Variants in CCDC110 observed in about 807,000 individuals in gnomAD.
The protein encoded by CCDC110 is coiled-coil domain containing 110.
A neutral mutation model predicts 77.1 loss-of-function variants in CCDC110; 70 were observed. That is an observed-to-expected ratio of 0.91 (90% confidence interval 0.75 to 1.11). The LOEUF is 1.11. Ranked by LOEUF, CCDC110 falls within the 50% of genes least tolerant of loss-of-function variation. The probability of loss-of-function intolerance (pLI) is 0.00; values close to 1 mark genes in which losing one functional copy is unlikely to be tolerated. For synonymous variants in CCDC110, 295 were observed against 312.5 expected (o/e 0.94, Z 0.59); for missense variants, 868 against 942.9 (o/e 0.92, Z 1.04).
In CCDC110 at chr4:185,445,544, T is replaced by C. The variant is rs2095608186; in HGVS notation, c.2462-2A>G. ...TTCTGTCTTTAACTTTGAAATAACC[T>C]ATGAAAATAGAAAATATTCTGGTTA... On this transcript the variant is annotated splice_acceptor_variant, in intron 6 of 6. Transcript: ENST00000307588. LOFTEE classifies it high-confidence loss of function. 3 of 1,531,412 alleles carry C rather than the reference T, an allele frequency of 2.0e-6. No individual in the cohort carries two copies. The highest frequency in any genetic ancestry group is 2.7e-6 in the Non-Finnish European group (3 of 1,113,534). The allele number at this position is 1,531,412 out of a possible 1,614,324, so 94.9% of individuals were successfully genotyped here.
At chr4:185,455,529 A>G (rs1170782469) in intron 6 of CCDC110, among the ~76,000 whole-genome samples, 1 of 152,216 alleles carries the variant, frequency 6.6e-6, no homozygotes, top group Admixed American at 6.5e-5. Flanking sequence ...AGGTTATTTC[A>G]TAATAATAAA....
chr4:185,453,070 T>C lies in CCDC110; in HGVS notation c.2461+5056A>G, dbSNP rs780955603. On this transcript the variant is annotated intron_variant, in intron 6 of 6. Coordinates refer to ENST00000307588, the MANE Select transcript of CCDC110 (RefSeq NM_152775.4). ...TAAGCTGTAAAATAAATAAAAAATA[T>C]ATATCGGTCTATTAAGGCTGGGTAC... Among the ~76,000 whole-genome samples, 104 of 152,074 alleles carry C rather than the reference T, an allele frequency of 6.8e-4. 2 individuals carry two copies. The highest frequency in any genetic ancestry group is 7.6e-4 in the Non-Finnish European group (52 of 68,010).
At chr4:185,470,730 A>T in intron 2 of CCDC110, 1 of 638,178 alleles carries the variant, frequency 1.6e-6, no homozygotes, top group Non-Finnish European at 2.9e-6. Flanking sequence ...CAAAATGGGG[A>T]TCGTGGTAGC....
intron 6 of CCDC110, among the ~76,000 whole-genome samples, chr4:185,445,791 CATT>C (rs2095609002): frequency 6.6e-6 from 1 of 152,104 alleles, no homozygotes; most frequent in Non-Finnish European, 1.5e-5. Flanking sequence ...ATAATACTAA[CATT>C]AGTATTATTT....
chr4:185,449,164 T>C (rs1467821440), intron 6 of CCDC110, among the ~76,000 whole-genome samples: 3 of 152,208 alleles, frequency 2.0e-5, no homozygotes, highest in African/African-American at 7.2e-5. Context: ...ATTTTGATTT[T>C]GGATTGTTAA....
Position 185,466,097 on chromosome 4 carries a change from C to T in CCDC110, c.116-3048G>A, listed in dbSNP as rs182970120. On this transcript the variant is annotated intron_variant, in intron 2 of 6. Coordinates refer to ENST00000307588, the MANE Select transcript of CCDC110 (RefSeq NM_152775.4). ...AACACATCATTCAACATGGATGGGC[C>T]GGGTGCAGTGGCTCGCACCTGTAAT... is the stretch of plus-strand genomic sequence containing the variant. 2.6e-4 allele frequency among the ~76,000 whole-genome samples: 40 copies of T among 152,230 alleles called. No homozygotes were observed. The East Asian group carries it at 2.7e-3, about 10-fold the overall frequency.
chr4:185,455,342 T>G (rs1432209669), intron 6 of CCDC110, among the ~76,000 whole-genome samples: 1 of 152,222 alleles, frequency 6.6e-6, no homozygotes, highest in African/African-American at 2.4e-5. Context: ...GTAATCCATT[T>G]TCATGGTATA....
At chr4:185,471,532 C>G (rs1054091584) in intron 1 of CCDC110, 142 bp downstream of exon 1, 20 of 934,820 alleles carry the variant, frequency 2.1e-5, no homozygotes, top group African/African-American at 8.6e-5. Context: ...GCCCTAGGGC[C>G]GAGCGGGAGA....
At chr4:185,467,450 A>G (rs1488313096) in intron 2 of CCDC110, among the ~76,000 whole-genome samples, 1 of 152,246 alleles carries the variant, frequency 6.6e-6, no homozygotes, top group African/African-American at 2.4e-5. Flanking sequence ...GAGATAAAAC[A>G]CAATCACACT....
At position 185,459,843 on chromosome 4, in the gene CCDC110, CATTT is replaced by C; in HGVS notation, c.740_743del (p.Gln247ArgfsTer44). ...CATGTGACTTTTGAAGCTCTTCTTT[CATTT>C]GTTTGATAGAATGGCAAATGTCATC... On this transcript the variant is annotated frameshift_variant, in exon 6 of 7. Coordinates refer to ENST00000307588, the MANE Select transcript of CCDC110 (RefSeq NM_152775.4). LOFTEE classifies it high-confidence loss of function. 1 of 1,613,234 alleles carries C rather than the reference CATTT, an allele frequency of 6.2e-7. No homozygotes were observed. The highest frequency in any genetic ancestry group is 8.5e-7 in the Non-Finnish European group (1 of 1,179,776).
chr4:185,458,849 A>G lies in CCDC110; in HGVS notation c.1738T>C (p.Leu580=), dbSNP rs1276354320. The stretch of plus-strand genomic sequence containing the variant: ...AACATTTCTTTTTCATCTTGTATCA[A>G]CAGAATATTGGTTTTCATTGCTTCC... ...EMEAMKTNIL[L]IQDEKEMLEK... is the part of the protein sequence containing the mutation. The change falls in exon 6 of 7, where the codon TTG becomes CTG. Residue 580 remains leucine (L), a synonymous_variant. Transcript: ENST00000307588. The G allele has an allele frequency of 1.2e-6, 2 of 1,605,976 alleles. No individual in the cohort carries two copies.
chr4:185,460,090 G>C lies in CCDC110; in HGVS notation c.497C>G (p.Ser166Cys). Reference protein sequence around the residue: ...QSVNVPSQIHSEDTLTLRTST... With the variant: ...QSVNVPSQIHCEDTLTLRTST... ...AGTTCTCAGAGTTAATGTGTCCTCG[G>C]AATGTATCTGGGATGGAACATTTAC... is the stretch of plus-strand genomic sequence containing the variant. The change falls in exon 6 of 7, where the codon TCC (serine) becomes TGC (cysteine). Residue 166 changes from serine (S) to cysteine (C), a missense_variant. Physicochemically the swap from Ser to Cys is moderately radical, Grantham distance 112. Coordinates refer to ENST00000307588, the MANE Select transcript of CCDC110 (RefSeq NM_152775.4). 6.2e-7 allele frequency: 1 copy of C among 1,613,802 alleles called. No homozygotes were observed. Among genetic ancestry groups the C allele is most frequent in the Non-Finnish European group, 8.5e-7 (1 of 1,179,924 alleles).
intron 6 of CCDC110, among the ~76,000 whole-genome samples, chr4:185,454,514 GA>G (rs2095633508): frequency 6.6e-6 from 1 of 151,958 alleles, no homozygotes; most frequent in South Asian, 2.1e-4. Context: ...AGGAGTTCGA[GA>G]TCAGCCTGGC....
intron 2 of CCDC110, among the ~76,000 whole-genome samples, chr4:185,465,517 A>T (rs1484487926): frequency 6.6e-6 from 1 of 152,160 alleles, no homozygotes; most frequent in Non-Finnish European, 1.5e-5. Flanking sequence ...GGAGCACAAG[A>T]TGAGGACACG....
intron 6 of CCDC110, chr4:185,452,269 GTTTTC>G: frequency 1.0e-6 from 1 of 985,418 alleles, no homozygotes; most frequent in Non-Finnish European, 1.2e-6. Flanking sequence ...GACTTGGGTA[GTTTTC>G]TGCATCCATC....
intron 6 of CCDC110, among the ~76,000 whole-genome samples, chr4:185,456,382 AC>A (rs11307246): frequency 0.67 from 100,992 of 151,684 alleles, 34,642 homozygotes; most frequent in Middle Eastern, 0.76. Context: ...GCACCAGACG[AC>A]CCAAAGGAAT....
intron 2 of CCDC110, among the ~76,000 whole-genome samples, chr4:185,467,539 C>G (rs1311124157): frequency 6.6e-6 from 1 of 152,132 alleles, no homozygotes. Flanking sequence ...TCCCACCCAC[C>G]AAGATGAGAG....
At position 185,471,387 on chromosome 4, in the gene CCDC110, T is replaced by C. The variant is rs1336450228; in HGVS notation, c.10+287A>G. 1.0e-4 allele frequency: 18 copies of C among 178,360 alleles called. No homozygotes were observed. The Admixed American group carries it at 1.4e-3, about 14-fold the overall frequency. The allele number at this position is 178,360 out of a possible 1,614,324, so 11.0% of individuals were successfully genotyped here. ...GGAGGGATGGGGCGGAGGGACGGCA[T>C]CAGGCCGGGCCTGGGGCGGGGCGCG... On this transcript the variant is annotated intron_variant, in intron 1 of 6. Coordinates refer to ENST00000307588, the MANE Select transcript of CCDC110 (RefSeq NM_152775.4).
intron 2 of CCDC110, chr4:185,470,683 T>G (rs1423220662): frequency 1.1e-5 from 6 of 570,678 alleles, no homozygotes; most frequent in Non-Finnish European, 1.7e-5. Context: ...TGTGTGACCT[T>G]AGGGAGTTAA....
Sources: gnomAD v4.1 joint callset for allele counts (sites outside exome capture counted in the v4.1 genomes callset) on GRCh38, gnomAD v4.1.1 for gene constraint, MANE v1.5 for transcripts, NCBI Gene and HGNC (gene_info 2026-07-23, HGNC 2026-07-21) for gene names.